ZNF273: variants seen among roughly 807,000 people sequenced by gnomAD.
ZNF273 encodes zinc finger protein 273.
In ZNF273, 11 loss-of-function variants were observed where a neutral mutation model predicts 14.9. The observed-to-expected ratio is 0.74, with a 90% CI of 0.46 to 1.22. The LOEUF (loss-of-function observed/expected upper bound fraction) is 1.22, where lower values mean the gene tolerates loss of function less well. Among genes scored for constraint, ZNF273 ranks in the 50% most tolerant of loss-of-function variants. The pLI, the probability that ZNF273 is intolerant of heterozygous loss-of-function variation, is 0.00. For synonymous variants in ZNF273, 199 were observed against 223.9 expected, an observed-to-expected ratio of 0.89 and a Z score of 0.99; for missense variants, 577 against 660.6, an observed-to-expected ratio of 0.87 and a Z score of 1.39.
intron 3 of ZNF273, among the ~76,000 whole-genome samples, chr7:64,927,369 T>C (rs1201605410): frequency 6.6e-6 from 1 of 150,772 alleles, no homozygotes; most frequent in East Asian, 1.9e-4. Context: ...ATTACAGGCA[T>C]GAGCCACTGC....
chr7:64,905,426 T>A (rs1204303830), intron 1 of ZNF273, among the ~76,000 whole-genome samples: 1 of 145,752 alleles, frequency 6.9e-6, no homozygotes, highest in African/African-American at 2.6e-5. Flanking sequence ...CACACTTTTT[T>A]TTTTTTTTTT....
At chr7:64,883,219 C>CCG (rs1554378926), downstream of ZNF273, among the ~76,000 whole-genome samples, 1 of 145,386 alleles carries the variant, frequency 6.9e-6, no homozygotes, top group Non-Finnish European at 1.5e-5. Flanking sequence ...TCACCACCCC[C>CCG]CCCTCACCAA....
chr7:64,923,241 T>G (rs1385079349), intron 3 of ZNF273: 1 of 425,126 alleles, frequency 2.4e-6, no homozygotes, highest in Non-Finnish European at 4.6e-6. Flanking sequence ...CATAATGTCA[T>G]CAAGATTTAT....
At chr7:64,889,488 C>G (rs1791831213), downstream of ZNF273, 1 of 985,802 alleles carries the variant, frequency 1.0e-6, no homozygotes, top group African/African-American at 1.7e-5. The surrounding 1 kb of genome is among the most constrained non-coding windows in gnomAD (Gnocchi z 4.2). Context: ...ACGCCAGGTT[C>G]CCGGTTTCTT....
the ZNF273 span, among the ~76,000 whole-genome samples, chr7:64,936,714 T>C: frequency 1.3e-5 from 2 of 152,186 alleles, no homozygotes; most frequent in Non-Finnish European, 2.9e-5. Context: ...TTTCAGTAAA[T>C]TTAGGGAAAA....
In ZNF273 at chr7:64,928,408, T is replaced by A; in HGVS notation, c.1080T>A (p.Thr360=). ...ECGKAFNWSS[T]LTKHKRIHTG... ...GTAAAGCCTTTAACTGGTCCTCAAC[T>A]CTTACTAAACATAAGAGAATTCATA... The change falls in exon 4 of 4, where the codon ACT becomes ACA. Residue 360 remains threonine (T), a synonymous_variant. Coordinates refer to ENST00000476120, the MANE Select transcript of ZNF273 (RefSeq NM_021148.3). 6.2e-7 allele frequency: 1 copy of A among 1,611,110 alleles called. No homozygotes were observed. Among genetic ancestry groups the A allele is most frequent in the African/African-American group, 1.3e-5 (1 of 74,094 alleles).
At chr7:64,888,141 C>T (rs983947888) in intron 1 of ZNF273, among the ~76,000 whole-genome samples, 2 of 152,172 alleles carry the variant, frequency 1.3e-5, no homozygotes, top group African/African-American at 4.8e-5. Flanking sequence ...GAACCTCTAC[C>T]AGACCTGTGC....
chr7:64,934,550 C>A (rs1209660020), downstream of ZNF273, among the ~76,000 whole-genome samples: 2 of 152,062 alleles, frequency 1.3e-5, no homozygotes, highest in East Asian at 3.9e-4. Flanking sequence ...ATTTTCTTAG[C>A]ACCATTTATT....
chr7:64,927,663 C>A lies in ZNF273; in HGVS notation c.335C>A (p.Ser112Tyr). The part of the protein sequence containing the change: ...AMVAKPPVVC[S>Y]HFAQDLWPKQ... ...CTTTTATTTCTTTCAGTTGTGTGTT[C>A]TCATTTTGCCCAAGACCTTTGGCCA... The change falls in exon 4 of 4, where the codon TCT becomes TAT. Residue 112 changes from serine to tyrosine, a missense_variant. Physicochemically the swap from Ser to Tyr is moderately radical, Grantham distance 144. This residue lies in a region of ZNF273 where 162 missense variants were observed against 203.5 expected (regional missense o/e 0.80). Coordinates refer to ENST00000476120, the MANE Select transcript of ZNF273 (RefSeq NM_021148.3). The A allele has an allele frequency of 6.4e-7, 1 of 1,564,552 alleles. No homozygotes were observed. Among genetic ancestry groups the A allele is most frequent in the Non-Finnish European group, 8.6e-7 (1 of 1,160,834 alleles).
Position 64,928,188 on chromosome 7 carries a change from A to G in ZNF273, c.860A>G (p.Glu287Gly), listed in dbSNP as rs763785607. Residue 287 changes from glutamate (E) to glycine (G), a missense_variant, in exon 4 of 4, where the codon GAG (glutamate) becomes GGG (glycine). Physicochemically the swap from Glu to Gly is moderately conservative, Grantham distance 98. Coordinates refer to ENST00000476120, the MANE Select transcript of ZNF273 (RefSeq NM_021148.3). ...LTKHKKIHTEEKPYKCEDCGK... is the reference protein window; with the variant it reads ...LTKHKKIHTEGKPYKCEDCGK... ...AAACATAAAAAAATTCATACTGAAG[A>G]GAAACCTTACAAATGTGAAGATTGT... The G allele has an allele frequency of 6.2e-7, 1 of 1,613,496 alleles. No homozygotes were observed. The highest frequency in any genetic ancestry group is 1.1e-5 in the South Asian group (1 of 90,968).
At chr7:64,889,053 A>G (rs980059816), downstream of ZNF273, 4 of 985,816 alleles carry the variant, frequency 4.1e-6, no homozygotes, top group Non-Finnish European at 3.6e-6. This position sits in a 1 kb window ranked among gnomAD's most constrained non-coding sequence, Gnocchi z 4.2. Flanking sequence ...GAAGCGAAGA[A>G]CGTTTCTCCT....
chr7:64,904,307 C>G (rs1313585956), intron 1 of ZNF273, among the ~76,000 whole-genome samples: 1 of 152,208 alleles, frequency 6.6e-6, no homozygotes, highest in Non-Finnish European at 1.5e-5. Flanking sequence ...CCAGCCTGGT[C>G]TCGAACTCCT....
chr7:64,893,019 A>G (rs940624077), downstream of ZNF273, among the ~76,000 whole-genome samples: 3 of 152,082 alleles, frequency 2.0e-5, no homozygotes, highest in African/African-American at 7.2e-5. Flanking sequence ...GCCCTTTTCT[A>G]TTGGCACAGC....
chr7:64,891,121 A>G (rs539116036), downstream of ZNF273, among the ~76,000 whole-genome samples: 23 of 152,240 alleles, frequency 1.5e-4, no homozygotes, highest in South Asian at 4.4e-3. Flanking sequence ...GGGCAGGATG[A>G]TGTCTTCTGG....
At chr7:64,880,351 A>C (rs572399848), downstream of ZNF273, 5 of 152,100 alleles carry the variant, frequency 3.3e-5, no homozygotes, top group Admixed American at 2.6e-4. Flanking sequence ...TTGCACTTCT[A>C]TGATTTCTGA....
At chr7:64,886,434 A>T (rs1465672605) in intron 1 of ZNF273, among the ~76,000 whole-genome samples, 1 of 152,252 alleles carries the variant, frequency 6.6e-6, no homozygotes, top group Non-Finnish European at 1.5e-5. Flanking sequence ...GGCACAGAAG[A>T]GGAAACTAAA....
chr7:64,910,475 T>G (rs1054430810), intron 1 of ZNF273, among the ~76,000 whole-genome samples: 5 of 152,162 alleles, frequency 3.3e-5, no homozygotes, highest in Non-Finnish European at 7.3e-5. Flanking sequence ...ATCAGATGGT[T>G]GTAGGTGTGT....
intron 1 of ZNF273, among the ~76,000 whole-genome samples, chr7:64,885,982 T>G (rs1445658590): frequency 1.3e-5 from 2 of 150,722 alleles, no homozygotes; most frequent in Non-Finnish European, 2.9e-5. Flanking sequence ...CAGAAAAGAC[T>G]GCAGGGGCCT....
At chr7:64,896,904 T>C (rs944773518) in intron 3 of ZNF273, among the ~76,000 whole-genome samples, 2 of 152,224 alleles carry the variant, frequency 1.3e-5, no homozygotes, top group African/African-American at 4.8e-5. Context: ...AACTAAGTGT[T>C]AATTAACAGG....
Sources: allele counts gnomAD v4.1 joint callset (sites outside exome capture counted in the v4.1 genomes callset), GRCh38; gene constraint gnomAD v4.1.1; regional missense constraint gnomAD v4.1.1; non-coding constraint Gnocchi (gnomAD v3.1); transcripts MANE v1.5; gene names NCBI Gene and HGNC (gene_info 2026-07-23, HGNC 2026-07-21).